IRGQ: variants seen among roughly 807,000 people sequenced by gnomAD.
IRGQ encodes the protein immunity-related GTPase family Q protein.
Under a neutral mutation model 10.5 loss-of-function variants are expected in IRGQ, and 5 were observed. The observed-to-expected ratio is 0.48, with a 90% CI of 0.25 to 1.00. IRGQ has a LOEUF of 1.00. Ranked by LOEUF, IRGQ falls within the 50% of genes least tolerant of loss-of-function variation. IRGQ has a pLI of 0.16. For missense variants in IRGQ, 792 were observed against 877.7 expected, an observed-to-expected ratio of 0.90 and a Z score of 1.23; for synonymous variants, 418 against 426.0, an observed-to-expected ratio of 0.98 and a Z score of 0.23.
In IRGQ at chr19:43,592,304, G is replaced by A; in HGVS notation, c.1594C>T (p.Arg532Cys). 1.3e-6 allele frequency: 2 copies of A among 1,565,434 alleles called. No individual in the cohort carries two copies. The highest frequency in any genetic ancestry group is 1.8e-5 in the Admixed American group (1 of 55,232). ...LEPTALARRE[R>C]ALGLASGELA... ...TCTCCAGAAGCCAGGCCCAGGGCACGCTCACGTCGAGCCAGTGCCGTGGGT... is the reference window on the plus strand; with the variant it reads ...TCTCCAGAAGCCAGGCCCAGGGCACACTCACGTCGAGCCAGTGCCGTGGGT... Residue 532 changes from arginine to cysteine, a missense_variant, in exon 3 of 3, where the codon CGT becomes TGT. Arg to Cys is a radical substitution (Grantham distance 180). Coordinates refer to ENST00000422989, the MANE Select transcript of IRGQ (RefSeq NM_001007561.3).
At position 43,592,841 on chromosome 19, in the gene IRGQ, T is replaced by C. The variant is rs1419424630; in HGVS notation, c.1057A>G (p.Ser353Gly). Residue 353 changes from serine to glycine, a missense_variant, in exon 3 of 3, where the codon AGC becomes GGC. Coordinates refer to ENST00000422989, the MANE Select transcript of IRGQ (RefSeq NM_001007561.3). ...EGKMENPKGESLKNAGGGGLE... is the reference protein window; with the variant it reads ...EGKMENPKGEGLKNAGGGGLE... ...CCCCCTCCACCTGCGTTCTTTAAGC[T>C]CTCGCCCTTGGGATTCTCCATCTTG... 6.2e-7 allele frequency: 1 copy of C among 1,613,984 alleles called. No homozygotes were observed. Among genetic ancestry groups the C allele is most frequent in the Admixed American group, 1.7e-5 (1 of 60,020 alleles).
In IRGQ at chr19:43,591,585, C is replaced by G. The variant is rs537124696; in HGVS notation, c.*441G>C. 1 of 155,972 alleles carries G rather than the reference C, an allele frequency of 6.4e-6. No homozygotes were observed. Among genetic ancestry groups the G allele is most frequent in the Admixed American group, 6.4e-5 (1 of 15,630 alleles). The allele number at this position is 155,972 out of a possible 1,614,324, so 9.7% of individuals were successfully genotyped here. ...ATTCCTGGCCAGGGGCGGTGGCTCA[C>G]GCCTGTAATCCTAGCACTTTGGGAG... is the stretch of plus-strand genomic sequence containing the variant. On this transcript the variant is annotated 3_prime_UTR_variant, in exon 3 of 3. Coordinates refer to ENST00000422989, the MANE Select transcript of IRGQ (RefSeq NM_001007561.3).
chr19:43,594,995 T>A lies in IRGQ; in HGVS notation c.344A>T (p.Asn115Ile). The stretch of plus-strand genomic sequence containing the variant: ...AGTCTGTGAATCCCCAGGACGGAGG[T>A]TCCGCACAGCCAGTAGCGGGGTCCC... Reference protein sequence around the residue: ...ARGTPLLAVRNLRPGDSQTAA... With the variant: ...ARGTPLLAVRILRPGDSQTAA... Residue 115 changes from asparagine (N) to isoleucine (I), a missense_variant, in exon 2 of 3, where the codon AAC becomes ATC. By Grantham distance (149) the Asn-to-Ile change is moderately radical. Transcript: ENST00000422989. The A allele has an allele frequency of 6.2e-7, 1 of 1,613,604 alleles. No individual in the cohort carries two copies. The highest frequency in any genetic ancestry group is 8.5e-7 in the Non-Finnish European group (1 of 1,179,894).
chr19:43,592,249 G>A lies in IRGQ; in HGVS notation c.1649C>T (p.Pro550Leu), dbSNP rs1179981079. The A allele has an allele frequency of 1.9e-6, 3 of 1,578,488 alleles. No homozygotes were observed. Among genetic ancestry groups the A allele is most frequent in the South Asian group, 1.1e-5 (1 of 88,932 alleles). ...ELAARAHFPGPVTRAEVEARL... is the reference protein window; with the variant it reads ...ELAARAHFPGLVTRAEVEARL... ...TGCTTCCACCTCGGCGCGCGTCACC[G>A]GGCCTGGGAAATGAGCGCGCGCTGC... The change falls in exon 3 of 3, where the codon CCG becomes CTG. Residue 550 changes from proline to leucine, a missense_variant. Coordinates refer to ENST00000422989, the MANE Select transcript of IRGQ (RefSeq NM_001007561.3).
At position 43,587,239 on chromosome 19, in the gene IRGQ, A is replaced by G. The variant is rs1250961601; in HGVS notation, c.*4787T>C. The G allele has an allele frequency of 6.6e-6, 1 of 152,196 alleles. No homozygotes were observed. The highest frequency in any genetic ancestry group is 1.5e-5 in the Non-Finnish European group (1 of 68,052). The allele number at this position is 152,196 out of a possible 1,614,324, so 9.4% of individuals were successfully genotyped here. A position where few individuals can be genotyped will look rare whatever the true frequency, so the allele number is the denominator to read the frequency against. On this transcript the variant is annotated 3_prime_UTR_variant, in exon 3 of 3. Coordinates refer to ENST00000422989, the MANE Select transcript of IRGQ (RefSeq NM_001007561.3). ...CAGCTACTCAGGAGGATGATGCAAG[A>G]GAATCAGTTGAACCTGGGAGGCAGA...
At position 43,592,881 on chromosome 19, in the gene IRGQ, C is replaced by A; in HGVS notation, c.1017G>T (p.Glu339Asp). The change falls in exon 3 of 3, where the codon GAG becomes GAT. Residue 339 changes from glutamate (E) to aspartate (D), a missense_variant. Physicochemically the swap from Glu to Asp is conservative, Grantham distance 45. Transcript: ENST00000422989. ...TCTCCATCTTGCCTTCTCCCAGACA[C>A]TCCGGATCCTCGCCCTCGCCGTCTG... ...VRTDGEGEDP[E>D]CLGEGKMENP... 1 of 1,613,728 alleles carries A rather than the reference C, an allele frequency of 6.2e-7. No homozygotes were observed. Among genetic ancestry groups the A allele is most frequent in the Non-Finnish European group, 8.5e-7 (1 of 1,180,044 alleles).
Position 43,596,003 on chromosome 19 carries a change from G to A in IRGQ, c.-24C>T, listed in dbSNP as rs1045372950. ...CAACCGAGCAAAAAGCCGACCCACG[G>A]GAGAGAGCGCAGTCGGTGGCAGTAG... On this transcript the variant is annotated 5_prime_UTR_variant, in exon 1 of 3. Transcript: ENST00000422989. 1 of 152,288 alleles carries A rather than the reference G, an allele frequency of 6.6e-6. No homozygotes were observed. The highest frequency in any genetic ancestry group is 1.5e-5 in the Non-Finnish European group (1 of 68,076). The allele number at this position is 152,288 out of a possible 1,614,324, so 9.4% of individuals were successfully genotyped here.
In IRGQ at chr19:43,595,095, G is replaced by A. The variant is rs767108059; in HGVS notation, c.244C>T (p.Leu82=). 1 of 1,609,636 alleles carries A rather than the reference G, an allele frequency of 6.2e-7. No individual in the cohort carries two copies. The highest frequency in any genetic ancestry group is 8.5e-7 in the Non-Finnish European group (1 of 1,177,930). ...TCCCCGTTCCCCTCGGGTCCGGGCA[G>A]CACCAGTACCAGCACGTTGGCTTCC... is the stretch of plus-strand genomic sequence containing the variant. ...AAEANVLVLV[L]PGPEGNGEPL... Residue 82 remains leucine, a synonymous_variant, in exon 2 of 3, where the codon CTG becomes TTG. Coordinates refer to ENST00000422989, the MANE Select transcript of IRGQ (RefSeq NM_001007561.3).
In IRGQ at chr19:43,593,223, T is replaced by C. The variant is rs1026818004; in HGVS notation, c.675A>G (p.Leu225=). The change falls in exon 3 of 3, where the codon CTA becomes CTG. Residue 225 remains leucine (L), a synonymous_variant. Coordinates refer to ENST00000422989, the MANE Select transcript of IRGQ (RefSeq NM_001007561.3). The surrounding 1 kb of genome is among the most constrained non-coding windows in gnomAD (Gnocchi z 6.4). ...CAGCCTTGCCAGCCACGGCCAGGTCTAGCCGTGCGCTGCCCAGGCGCTCCA... is the reference window on the plus strand; with the variant it reads ...CAGCCTTGCCAGCCACGGCCAGGTCCAGCCGTGCGCTGCCCAGGCGCTCCA... ...SGLERLGSAR[L]DLAVAGKADV... is the part of the protein sequence containing the mutation. The C allele has an allele frequency of 2.5e-6, 4 of 1,583,868 alleles. No homozygotes were observed. Among genetic ancestry groups the C allele is most frequent in the Middle Eastern group, 3.4e-4 (2 of 5,950 alleles).
Position 43,585,652 on chromosome 19 carries a change from C to A in IRGQ, c.*6374G>T, listed in dbSNP as rs1229185846. 1 of 152,220 alleles carries A rather than the reference C, an allele frequency of 6.6e-6. No individual in the cohort carries two copies. The highest frequency in any genetic ancestry group is 1.5e-5 in the Non-Finnish European group (1 of 68,050). The allele number at this position is 152,220 out of a possible 1,614,324, so 9.4% of individuals were successfully genotyped here. ...GAGCAACAATCCAAGGGCATGGCTA[C>A]AGAAAGGCTGGCCCAGTTGGGGTCA... On this transcript the variant is annotated 3_prime_UTR_variant, in exon 3 of 3. Coordinates refer to ENST00000422989, the MANE Select transcript of IRGQ (RefSeq NM_001007561.3).
Position 43,591,911 on chromosome 19 carries a change from A to G in IRGQ, c.*115T>C, listed in dbSNP as rs1973060267. On this transcript the variant is annotated 3_prime_UTR_variant, in exon 3 of 3. Transcript: ENST00000422989. ...CCCCCAGACTCTCTGAATCCAGGTGATAAGAAGTCACACATCCCAGCTGGA... is the reference window on the plus strand; with the variant it reads ...CCCCCAGACTCTCTGAATCCAGGTGGTAAGAAGTCACACATCCCAGCTGGA... 1.0e-6 allele frequency: 1 copy of G among 980,350 alleles called. No homozygotes were observed. Among genetic ancestry groups the G allele is most frequent in the Non-Finnish European group, 1.5e-6 (1 of 669,382 alleles). 60.7% of individuals were successfully genotyped at this position (980,350 alleles called of 1,614,324 possible). A position where few individuals can be genotyped will look rare whatever the true frequency, so the allele number is the denominator to read the frequency against.
chr19:43,585,998 A>G lies in IRGQ; in HGVS notation c.*6028T>C, dbSNP rs983333960. On this transcript the variant is annotated 3_prime_UTR_variant, in exon 3 of 3. Coordinates refer to ENST00000422989, the MANE Select transcript of IRGQ (RefSeq NM_001007561.3). ...GCACCACAGGCCAACCACACCCTTG[A>G]TGTGTCCTTCATGGTTCCCCACTGC... is the stretch of plus-strand genomic sequence containing the variant. The G allele has an allele frequency of 2.0e-5, 3 of 152,174 alleles. No individual in the cohort carries two copies. The highest frequency in any genetic ancestry group is 6.5e-5 in the Admixed American group (1 of 15,274). The allele number at this position is 152,174 out of a possible 1,614,324, so 9.4% of individuals were successfully genotyped here.
chr19:43,584,748 G>A lies in IRGQ; in HGVS notation c.*7278C>T, dbSNP rs929522946. ...TCAGCTAGGGAGCTCTGTTTCAGAGGTTGGTTGGCTATGGGTGGCAGGGAT... is the reference window on the plus strand; with the variant it reads ...TCAGCTAGGGAGCTCTGTTTCAGAGATTGGTTGGCTATGGGTGGCAGGGAT... On this transcript the variant is annotated 3_prime_UTR_variant, in exon 3 of 3. Transcript: ENST00000422989. 6.6e-6 allele frequency: 1 copy of A among 152,252 alleles called. No individual in the cohort carries two copies. The highest frequency in any genetic ancestry group is 2.4e-5 in the African/African-American group (1 of 41,454). The allele number at this position is 152,252 out of a possible 1,614,324, so 9.4% of individuals were successfully genotyped here.
Position 43,592,286 on chromosome 19 carries a change from A to T in IRGQ, c.1612T>A (p.Ser538Thr), listed in dbSNP as rs1486396874. ...ARRERALGLA[S>T]GELAARAHFP... ...TGAGCGCGCGCTGCCAGCTCTCCAG[A>T]AGCCAGGCCCAGGGCACGCTCACGT... The change falls in exon 3 of 3, where the codon TCT becomes ACT. Residue 538 changes from serine to threonine, a missense_variant. Physicochemically the swap from Ser to Thr is moderately conservative, Grantham distance 58. Transcript: ENST00000422989. 1 of 1,570,748 alleles carries T rather than the reference A, an allele frequency of 6.4e-7. No homozygotes were observed. Among genetic ancestry groups the T allele is most frequent in the Admixed American group, 1.8e-5 (1 of 55,980 alleles).
rs1306179577 is a variant in IRGQ at position 43,588,984 on chromosome 19, C to G, written c.*3042G>C. 1 of 152,234 alleles carries G rather than the reference C, an allele frequency of 6.6e-6. No homozygotes were observed. The highest frequency in any genetic ancestry group is 1.5e-5 in the Non-Finnish European group (1 of 68,050). The allele number at this position is 152,234 out of a possible 1,614,324, so 9.4% of individuals were successfully genotyped here. On this transcript the variant is annotated 3_prime_UTR_variant, in exon 3 of 3. Transcript: ENST00000422989. ...ACTTTGAAGGGACAAATTTTGTCAG[C>G]AGTGGGAGTCCAAGCTGGAGATGAT...
In IRGQ at chr19:43,590,525, T is replaced by A. The variant is rs183276185; in HGVS notation, c.*1501A>T. 6.6e-6 allele frequency: 1 copy of A among 152,372 alleles called. No homozygotes were observed. The highest frequency in any genetic ancestry group is 1.9e-4 in the East Asian group (1 of 5,184). 9.4% of individuals were successfully genotyped at this position (152,372 alleles called of 1,614,324 possible). A position where few individuals can be genotyped will look rare whatever the true frequency, so the allele number is the denominator to read the frequency against. On this transcript the variant is annotated 3_prime_UTR_variant, in exon 3 of 3. Coordinates refer to ENST00000422989, the MANE Select transcript of IRGQ (RefSeq NM_001007561.3). ...CCTGGCATATTCCCATGGTCTCAAGTGCCTGACCACCCATTTGGTGGGCCC... is the reference window on the plus strand; with the variant it reads ...CCTGGCATATTCCCATGGTCTCAAGAGCCTGACCACCCATTTGGTGGGCCC...
At position 43,592,521 on chromosome 19, in the gene IRGQ, C is replaced by G. The variant is rs867644664; in HGVS notation, c.1377G>C (p.Leu459=). 1 of 1,596,292 alleles carries G rather than the reference C, an allele frequency of 6.3e-7. No homozygotes were observed. The highest frequency in any genetic ancestry group is 8.5e-7 in the Non-Finnish European group (1 of 1,178,558). Residue 459 remains leucine, a synonymous_variant, in exon 3 of 3, where the codon CTG becomes CTC. Transcript: ENST00000422989. ...TGGGAGATGCTGGTGGCAACGCCAGCAGCAGTGCCCCTGCCTGGGCTGGGG... is the reference window on the plus strand; with the variant it reads ...TGGGAGATGCTGGTGGCAACGCCAGGAGCAGTGCCCCTGCCTGGGCTGGGG... The part of the protein sequence containing the change: ...ALPPAQAGAL[L]LALPPASPSA...
Position 43,595,120 on chromosome 19 carries a change from C to A in IRGQ, c.219G>T (p.Ala73=), listed in dbSNP as rs1157469535. 11 of 1,600,648 alleles carry A rather than the reference C, an allele frequency of 6.9e-6. No individual in the cohort carries two copies. The African/African-American group carries it at 1.5e-4, about 21-fold the overall frequency. The change falls in exon 2 of 3, where the codon GCG becomes GCT. Residue 73 remains alanine, a synonymous_variant. Coordinates refer to ENST00000422989, the MANE Select transcript of IRGQ (RefSeq NM_001007561.3). ...GCACCAGTACCAGCACGTTGGCTTC[C>A]GCCGCCCAGGGCCCCGGCGCTGCGG... ...CPPAAPGPWA[A]EANVLVLVLP...
Position 43,592,215 on chromosome 19 carries a change from G to T in IRGQ, c.1683C>A (p.Gly561=), listed in dbSNP as rs199863268. 2 of 1,588,966 alleles carry T rather than the reference G, an allele frequency of 1.3e-6. No individual in the cohort carries two copies. The highest frequency in any genetic ancestry group is 1.7e-6 in the Non-Finnish European group (2 of 1,174,072). ...VTRAEVEARL[G]AWAGEGTAGG... is the part of the protein sequence containing the mutation. ...CAGCAGTGCCCTCGCCCGCCCAGGCGCCCAGTCTTGCTTCCACCTCGGCGC... is the reference window on the plus strand; with the variant it reads ...CAGCAGTGCCCTCGCCCGCCCAGGCTCCCAGTCTTGCTTCCACCTCGGCGC... The change falls in exon 3 of 3, where the codon GGC becomes GGA. Residue 561 remains glycine, a synonymous_variant. Transcript: ENST00000422989.
Sources: gnomAD v4.1 joint callset for allele counts on GRCh38, gnomAD v4.1.1 for gene constraint, Gnocchi (gnomAD v3.1) non-coding constraint, MANE v1.5 for transcripts, NCBI Gene and HGNC (gene_info 2026-07-23, HGNC 2026-07-21) for gene names.